The following GRIP2 variants were observed in gnomAD, a reference collection of about 807,000 sequenced individuals.
The protein encoded by GRIP2 is glutamate receptor-interacting protein 2.
GRIP2 carries 58 observed loss-of-function variants against 108.3 expected under a neutral mutation model. That is an observed-to-expected ratio of 0.54 (90% CI 0.43 to 0.67). GRIP2 has a LOEUF of 0.67. Ranked by LOEUF, GRIP2 falls within the 30% of genes least tolerant of loss-of-function variation. The pLI, the probability that GRIP2 is intolerant of heterozygous loss-of-function variation, is 0.00. For missense variants in GRIP2, 1,278 were observed against 1,430.6 expected (o/e 0.89, Z 1.72); for synonymous variants, 586 against 598.2 (o/e 0.98, Z 0.30).
intron 1 of GRIP2, among the ~76,000 whole-genome samples, chr3:14,548,380 C>T (rs1695089914): frequency 6.6e-6 from 1 of 152,166 alleles, no homozygotes; most frequent in Non-Finnish European, 1.5e-5. Context: ...ACACAGAGAG[C>T]TTGTGCAGCT....
chr3:14,549,239 A>G (rs1385022364), intron 1 of GRIP2, among the ~76,000 whole-genome samples: 1 of 152,234 alleles, frequency 6.6e-6, no homozygotes, highest in Non-Finnish European at 1.5e-5. Context: ...ACTGTAGTTC[A>G]ATGCAGGAAT....
chr3:14,529,114 CAAA>C (rs35039738), intron 1 of GRIP2, among the ~76,000 whole-genome samples: 1 of 132,300 alleles, frequency 7.6e-6, no homozygotes, highest in Admixed American at 7.3e-5. Context: ...ACTAAAAATA[CAAA>C]AAAAAAAAAA....
chr3:14,517,317 G>A, intron 10 of GRIP2, 104 bp from the exon 11 acceptor site: 1 of 1,197,714 alleles, frequency 8.3e-7, no homozygotes, highest in Non-Finnish European at 1.1e-6. Flanking sequence ...AGATGGGGAT[G>A]CCTTCCCCCT....
At chr3:14,593,680 C>T in the GRIP2 span, among the ~76,000 whole-genome samples, 2 of 152,334 alleles carry the variant, frequency 1.3e-5, no homozygotes, top group East Asian at 1.9e-4. Flanking sequence ...CCTCATACTC[C>T]GGAGGCTAAA....
chr3:14,517,362 G>C (rs1694278340), intron 10 of GRIP2, 149 bp from the exon 11 acceptor site: 1 of 809,984 alleles, frequency 1.2e-6, no homozygotes, highest in Non-Finnish European at 1.8e-6. Context: ...CCTCAGGCAA[G>C]TCCCTTTCCT....
chr3:14,496,303 G>C (rs1449028237), intron 22 of GRIP2, 114 bp downstream of exon 22: 1 of 848,180 alleles, frequency 1.2e-6, no homozygotes, highest in African/African-American at 1.7e-5. Flanking sequence ...ACCCAGTTTT[G>C]TGGTGGAGGA....
At chr3:14,595,837 C>G in the GRIP2 span, among the ~76,000 whole-genome samples, 2 of 152,258 alleles carry the variant, frequency 1.3e-5, no homozygotes, top group Non-Finnish European at 2.9e-5. Context: ...ACAGGGGCAG[C>G]CCAGGGCCTG....
chr3:14,572,611 C>CCAAAA, the GRIP2 span, among the ~76,000 whole-genome samples: 1 of 46,958 alleles, frequency 2.1e-5, no homozygotes, highest in Non-Finnish European at 3.4e-5. Context: ...GACTCCGTCT[C>CCAAAA]AAAAAAAAAA....
rs75699622 is a variant in GRIP2, at chr3:14,507,954, C to T, written c.2079-254G>A. Among the ~76,000 whole-genome samples, 3,850 of 152,336 alleles carry T rather than the reference C, an allele frequency of 0.025. 65 individuals are homozygous for T. The highest frequency in any genetic ancestry group is 0.047 in the East Asian group (242 of 5,192). ...TAGGTTCTGGAACCAGTGTCCAACA[C>T]AGGTTTTGAGAATCCCACATACTAG... On this transcript the variant is annotated intron_variant, in intron 17 of 23. Transcript: ENST00000621039. The surrounding 1 kb of genome is among the most constrained non-coding windows in gnomAD (Gnocchi z 4.6).
the GRIP2 span, among the ~76,000 whole-genome samples, chr3:14,577,312 G>A: frequency 6.6e-6 from 1 of 152,216 alleles, no homozygotes; most frequent in Non-Finnish European, 1.5e-5. Context: ...AAAAATGTTT[G>A]TGAGTCAGAA....
chr3:14,504,512 G>A lies in GRIP2; in HGVS notation c.2574-841C>T, dbSNP rs142830175. Among the ~76,000 whole-genome samples the A allele has an allele frequency of 2.9e-4, 44 of 152,022 alleles. No individual in the cohort carries two copies. The East Asian group carries it at 4.7e-3, about 16-fold the overall frequency. On this transcript the variant is annotated intron_variant, in intron 20 of 23. Transcript: ENST00000621039. ...ATTTTTACTAGAGACGGGTTCCACC[G>A]TGTCAGCCAGGATGGTCTCGATCTC...
the GRIP2 span, among the ~76,000 whole-genome samples, chr3:14,578,801 G>A: frequency 2.9e-4 from 43 of 149,670 alleles, no homozygotes; most frequent in Non-Finnish European, 8.9e-5. Context: ...TAGAAGAGCT[G>A]TGGTCTGAGC....
chr3:14,529,803 G>A (rs4684231), intron 1 of GRIP2, among the ~76,000 whole-genome samples: 62,757 of 151,998 alleles, frequency 0.41, 14,148 homozygotes, highest in South Asian at 0.61. Context: ...CGTGTGGTTG[G>A]TAATTGTTGG....
At position 14,522,032 on chromosome 3, in the gene GRIP2, T is replaced by A; in HGVS notation, c.567-245A>T. On this transcript the variant is annotated intron_variant, in intron 6 of 23. Transcript: ENST00000621039. This position sits in a 1 kb window ranked among gnomAD's most constrained non-coding sequence, Gnocchi z 4.3. Reference sequence around the variant, plus strand: ...ATGGGGTGGCTCTGCCGCCTGCCACTCCTCTGGGTGTGCAGTAATTCACAG... The same window carrying A: ...ATGGGGTGGCTCTGCCGCCTGCCACACCTCTGGGTGTGCAGTAATTCACAG... 5.8e-6 allele frequency: 3 copies of A among 516,656 alleles called. No individual in the cohort carries two copies. Among genetic ancestry groups the A allele is most frequent in the Non-Finnish European group, 1.0e-5 (3 of 293,154 alleles). The allele number at this position is 516,656 out of a possible 1,614,324, so 32.0% of individuals were successfully genotyped here.
chr3:14,517,476 G>A (rs1158287467), intron 10 of GRIP2, among the ~76,000 whole-genome samples: 10 of 142,772 alleles, frequency 7.0e-5, no homozygotes, highest in Non-Finnish European at 1.5e-4. Context: ...AATGAGGCAG[G>A]CCACCTAATC....
At chr3:14,600,273 G>A in the GRIP2 span, among the ~76,000 whole-genome samples, 2 of 152,172 alleles carry the variant, frequency 1.3e-5, no homozygotes, top group South Asian at 2.1e-4. Flanking sequence ...AAGAAAGGGA[G>A]AACAGAACTG....
Position 14,549,504 on chromosome 3 carries a change from C to T in GRIP2, c.55+6396G>A, listed in dbSNP as rs973405017. 5.9e-5 allele frequency among the ~76,000 whole-genome samples: 9 copies of T among 152,256 alleles called. 1 individual carries two copies. The highest frequency in any genetic ancestry group is 6.8e-3 in the Middle Eastern group (2 of 294). ...CTGAACACGGTGGTGGCCATTCACC[C>T]CGTTATTCTGGGGCCACTTCCTGGA... On this transcript the variant is annotated intron_variant, in intron 1 of 23. Coordinates refer to the GRIP2 transcript ENST00000637182.
At position 14,524,394 on chromosome 3, in the gene GRIP2, G is replaced by A. The variant is rs372338980; in HGVS notation, c.402C>T (p.Pro134=). The change falls in exon 4 of 24, where the codon CCC becomes CCT. Residue 134 remains proline (P), a splice_region_variant and synonymous_variant. Transcript: ENST00000621039. ...VLEVEYELPP[P]APENNPRIIS... is the part of the protein sequence containing the mutation. ...AGTTCCCCGTCCAAGGGCACCCACC[G>A]GGCGGGGGCAGCTCATACTCCACCT... 41 of 1,609,556 alleles carry A rather than the reference G, an allele frequency of 2.5e-5. No homozygotes were observed. Among genetic ancestry groups the A allele is most frequent in the Admixed American group, 1.5e-4 (9 of 59,586 alleles).
chr3:14,567,361 T>C, the GRIP2 span, among the ~76,000 whole-genome samples: 1 of 152,134 alleles, frequency 6.6e-6, no homozygotes. Context: ...TCCCGCTCAG[T>C]GAGGCCAACC....
Sources: gnomAD v4.1 joint callset for allele counts (sites outside exome capture counted in the v4.1 genomes callset) on GRCh38, gnomAD v4.1.1 for gene constraint, Gnocchi (gnomAD v3.1) non-coding constraint, MANE v1.5 for transcripts, NCBI Gene and HGNC (gene_info 2026-07-23, HGNC 2026-07-21) for gene names.